The following DTD1 variants were observed in gnomAD, a reference collection of about 807,000 sequenced individuals.
DTD1 encodes the protein D-aminoacyl-tRNA deacylase 1.
In DTD1, 13 loss-of-function variants were observed where a neutral mutation model predicts 25.6. That is an observed-to-expected ratio of 0.51 (90% CI 0.33 to 0.81). The LOEUF is 0.81. DTD1 is among the 30% of genes least tolerant of loss of function. DTD1 has a pLI of 0.02. For synonymous variants in DTD1, 110 were observed against 103.6 expected (o/e 1.06, Z -0.37); for missense variants, 193 against 266.4 (o/e 0.72, Z 1.92).
At chr20:18,748,607 A>G (rs2061309806) in intron 5 of DTD1, among the ~76,000 whole-genome samples, 1 of 152,186 alleles carries the variant, frequency 6.6e-6, no homozygotes. Context: ...TGCATGTGTC[A>G]CAGAACATAC....
At chr20:18,694,375 C>T (rs986508855) in intron 4 of DTD1, among the ~76,000 whole-genome samples, 4 of 152,136 alleles carry the variant, frequency 2.6e-5, no homozygotes, top group Admixed American at 1.3e-4. Context: ...AAATTGAGCC[C>T]ACCCGTGCCT....
chr20:18,626,306 C>T (rs1017005871), intron 3 of DTD1, among the ~76,000 whole-genome samples: 24 of 152,156 alleles, frequency 1.6e-4, no homozygotes, highest in African/African-American at 5.1e-4. Flanking sequence ...TCCAGAGGGG[C>T]ATGGACACCA....
chr20:18,675,571 T>G (rs1272003439), intron 4 of DTD1: 3 of 152,096 alleles, frequency 2.0e-5, no homozygotes, highest in Admixed American at 6.5e-5. Flanking sequence ...GGGGAAGCAT[T>G]TTCTTCAAAC....
At chr20:18,649,548 A>G (rs368704267) in intron 4 of DTD1, among the ~76,000 whole-genome samples, 9 of 151,838 alleles carry the variant, frequency 5.9e-5, no homozygotes, top group African/African-American at 1.7e-4. Flanking sequence ...TGTGTTAGCC[A>G]GGATGGTCTC....
chr20:18,652,512 A>C (rs187540119), intron 4 of DTD1, among the ~76,000 whole-genome samples: 81 of 152,326 alleles, frequency 5.3e-4, no homozygotes, highest in Non-Finnish European at 9.4e-4. Flanking sequence ...TGCAGCCTGG[A>C]GGGCCTCAGA....
In DTD1 at chr20:18,637,842, T is replaced by G. The variant is rs139573614; in HGVS notation, c.477+9609T>G. ...AATTGTAGACTAGTTTCCTGCAGATTATTTATTGTTTCATGAATAAGTATC... is the reference window on the plus strand; with the variant it reads ...AATTGTAGACTAGTTTCCTGCAGATGATTTATTGTTTCATGAATAAGTATC... On this transcript the variant is annotated intron_variant, in intron 4 of 5. Transcript: ENST00000377452. 1.4e-4 allele frequency among the ~76,000 whole-genome samples: 22 copies of G among 152,334 alleles called. No homozygotes were observed. In the East Asian group the frequency reaches 3.9e-3, roughly 27 times the overall value.
At chr20:18,685,939 C>T (rs1187441858) in intron 4 of DTD1, among the ~76,000 whole-genome samples, 1 of 152,184 alleles carries the variant, frequency 6.6e-6, no homozygotes, top group Non-Finnish European at 1.5e-5. Flanking sequence ...TGTGCTGCGC[C>T]AACTTCAGTG....
At chr20:18,631,950 GGTGA>G (rs1355871982) in intron 4 of DTD1, 28 of 957,798 alleles carry the variant, frequency 2.9e-5, no homozygotes, top group African/African-American at 1.1e-4. Flanking sequence ...AGTTATTTTG[GGTGA>G]GTAAGTCTCA....
intron 4 of DTD1, among the ~76,000 whole-genome samples, chr20:18,734,653 A>T (rs113232307): frequency 2.0e-5 from 3 of 152,316 alleles, no homozygotes; most frequent in African/African-American, 7.2e-5. Context: ...TTACTCTTAC[A>T]TTGTCTTGAA....
At chr20:18,687,046 T>C (rs2061019809) in intron 4 of DTD1, among the ~76,000 whole-genome samples, 1 of 152,144 alleles carries the variant, frequency 6.6e-6, no homozygotes, top group Admixed American at 6.5e-5. Flanking sequence ...CTATGGGAAA[T>C]GGTGCAAAAG....
chr20:18,643,125 G>T (rs139621033), intron 4 of DTD1: 3,297 of 166,702 alleles, frequency 0.02, 54 homozygotes, highest in African/African-American at 0.024. Flanking sequence ...ATGTTGGTCA[G>T]GCTGGTTTCG....
At chr20:18,656,313 T>C (rs2122362870) in intron 4 of DTD1, among the ~76,000 whole-genome samples, 1 of 152,370 alleles carries the variant, frequency 6.6e-6, no homozygotes, top group South Asian at 2.1e-4. Flanking sequence ...ATAGGGATTA[T>C]CTTAAGAAAT....
In DTD1 at chr20:18,765,258, GAACA is replaced by G. The variant is rs1325023624; in HGVS notation, c.*1921_*1924del. On this transcript the variant is annotated 3_prime_UTR_variant, in exon 6 of 6. Coordinates refer to ENST00000377452, the MANE Select transcript of DTD1 (RefSeq NM_080820.6). ...AGATGTGGAAGAGAAGCTGGGTCAG[GAACA>G]AAAATAGGAGCAATGGGTGTAAGTT... is the stretch of plus-strand genomic sequence containing the variant. 6.6e-6 allele frequency: 1 copy of G among 152,222 alleles called. No individual in the cohort carries two copies. The highest frequency in any genetic ancestry group is 1.5e-5 in the Non-Finnish European group (1 of 68,048). 9.4% of individuals were successfully genotyped at this position (152,222 alleles called of 1,614,324 possible). A position where few individuals can be genotyped will look rare whatever the true frequency, so the allele number is the denominator to read the frequency against.
intron 3 of DTD1, among the ~76,000 whole-genome samples, chr20:18,607,755 T>C (rs1051240277): frequency 5.3e-5 from 8 of 151,660 alleles, no homozygotes; most frequent in African/African-American, 1.9e-4. Context: ...GCTTGGTCAC[T>C]CAGGCTGGAG....
chr20:18,653,093 C>CTTAA (rs1374648918), intron 4 of DTD1, among the ~76,000 whole-genome samples: 2 of 152,104 alleles, frequency 1.3e-5, no homozygotes, highest in Non-Finnish European at 2.9e-5. Flanking sequence ...ATGGCATTGA[C>CTTAA]TTAATTAATT....
At chr20:18,666,981 C>A (rs538694963) in intron 4 of DTD1, among the ~76,000 whole-genome samples, 1 of 151,976 alleles carries the variant, frequency 6.6e-6, no homozygotes, top group African/African-American at 2.4e-5. Context: ...GGAAGCAGCC[C>A]CAGGTGACTA....
chr20:18,625,083 C>T (rs1237014259), intron 3 of DTD1, among the ~76,000 whole-genome samples: 3 of 152,074 alleles, frequency 2.0e-5, no homozygotes, highest in East Asian at 1.9e-4. Context: ...TTGTAGACAC[C>T]GCCCTCAGAT....
intron 4 of DTD1, among the ~76,000 whole-genome samples, chr20:18,710,038 CATT>C (rs2061152248): frequency 6.6e-6 from 1 of 152,024 alleles, no homozygotes; most frequent in Non-Finnish European, 1.5e-5. Flanking sequence ...TATTCACTTC[CATT>C]ATGAATAGGG....
In DTD1 at chr20:18,624,913, G is replaced by C. The variant is rs148075635; in HGVS notation, c.371-3214G>C. On this transcript the variant is annotated intron_variant, in intron 3 of 5. Transcript: ENST00000377452. Reference sequence around the variant, plus strand: ...CTAGACATTTACCGTCGTAATGTTTGTTTCTTCTCATGGCTTTGACACTCT... The same window carrying C: ...CTAGACATTTACCGTCGTAATGTTTCTTTCTTCTCATGGCTTTGACACTCT... 3.5e-3 allele frequency among the ~76,000 whole-genome samples: 528 copies of C among 152,304 alleles called. 1 individual carries two copies. Among genetic ancestry groups the C allele is most frequent in the African/African-American group, 0.012 (486 of 41,568 alleles).
Sources: allele counts gnomAD v4.1 joint callset (sites outside exome capture counted in the v4.1 genomes callset), GRCh38; gene constraint gnomAD v4.1.1; transcripts MANE v1.5; gene names NCBI Gene and HGNC (gene_info 2026-07-23, HGNC 2026-07-21).